Variants in AQP1 observed in about 807,000 individuals in gnomAD.
AQP1 encodes the protein aquaporin 1 (Colton blood group).
A neutral mutation model predicts 19.7 loss-of-function variants in AQP1; 11 were observed. The observed-to-expected ratio is 0.56, with a 90% confidence interval of 0.35 to 0.92. AQP1 has a LOEUF of 0.92. AQP1 is among the 40% of genes least tolerant of loss of function. The pLI is 0.01. For synonymous variants in AQP1, 159 were observed against 166.7 expected (o/e 0.95, Z 0.36); for missense variants, 320 against 369.7 (o/e 0.87, Z 1.10).
chr7:30,914,326 T>C (rs1791256276), intron 1 of AQP1, among the ~76,000 whole-genome samples: 1 of 152,212 alleles, frequency 6.6e-6, no homozygotes, highest in Admixed American at 6.5e-5. Flanking sequence ...CTGCGGACCC[T>C]GACCCTCGAG....
At chr7:30,921,934 A>T (rs1162181403) in intron 1 of AQP1, 132 bp from the exon 2 acceptor site, 6 of 1,554,502 alleles carry the variant, frequency 3.9e-6, no homozygotes, top group Middle Eastern at 1.7e-4. Context: ...GGACCCTGTG[A>T]TGGGCTCTGA....
In AQP1 at chr7:30,923,006, C is replaced by A. The variant is rs557323073; in HGVS notation, c.630+362C>A. Among the ~76,000 whole-genome samples the A allele has an allele frequency of 2.0e-3, 309 of 152,338 alleles. 4 individuals are homozygous for A. The highest frequency in any genetic ancestry group is 7.0e-3 in the African/African-American group (290 of 41,564). On this transcript the variant is annotated intron_variant, in intron 3 of 3. Transcript: ENST00000311813. The surrounding 1 kb of genome is among the most constrained non-coding windows in gnomAD (Gnocchi z 4.8). Reference sequence around the variant, plus strand: ...GCTGCGGAGGGGGATATGGTGGTGCCCACCTCTCAGGGTGGCCGAGAAGAG... The same window carrying A: ...GCTGCGGAGGGGGATATGGTGGTGCACACCTCTCAGGGTGGCCGAGAAGAG...
Position 30,922,157 on chromosome 7 carries a change from G to A in AQP1, c.476G>A (p.Arg159Gln), listed in dbSNP as rs567793834. ...CTATGCGTGCTGGCTACTACCGACC[G>A]GAGGCGCCGTGACCTTGGTGGCTCA... is the stretch of plus-strand genomic sequence containing the variant. ...LVLCVLATTD[R>Q]RRRDLGGSAP... Residue 159 changes from arginine to glutamine, a missense_variant, in exon 2 of 4, where the codon CGG becomes CAG. Physicochemically the swap from Arg to Gln is conservative, Grantham distance 43 (BLOSUM62 1). Transcript: ENST00000311813. 52 of 1,613,650 alleles carry A rather than the reference G, an allele frequency of 3.2e-5. No individual in the cohort carries two copies. Among genetic ancestry groups the A allele is most frequent in the Middle Eastern group, 1.6e-4 (1 of 6,062 alleles).
rs1173310840 is a variant in AQP1, at chr7:30,911,899, C to T, written c.-11C>T. On this transcript the variant is annotated 5_prime_UTR_variant, in exon 1 of 4. Transcript: ENST00000311813. ...ACCCGGCAGCGGTCTCAGGCCAAGC[C>T]CCCTGCCAGCATGGCCAGCGAGTTC... 2 of 1,612,952 alleles carry T rather than the reference C, an allele frequency of 1.2e-6. No individual in the cohort carries two copies. Among genetic ancestry groups the T allele is most frequent in the Middle Eastern group, 1.7e-4 (1 of 5,954 alleles).
At position 30,912,588 on chromosome 7, in the gene AQP1, C is replaced by T. The variant is rs548433194; in HGVS notation, c.384+295C>T. Among the ~76,000 whole-genome samples the T allele has an allele frequency of 2.6e-5, 4 of 152,228 alleles. No individual in the cohort carries two copies. The highest frequency in any genetic ancestry group is 2.4e-5 in the African/African-American group (1 of 41,456). ...GGAATAAGCTTGGCCAGCAGTTCCT[C>T]GCCCCTTGGCTGTAGCTTTTTGGCC... is the stretch of plus-strand genomic sequence containing the variant. On this transcript the variant is annotated intron_variant, in intron 1 of 3. Coordinates refer to ENST00000311813, the MANE Select transcript of AQP1 (RefSeq NM_198098.4). This position sits in a 1 kb window ranked among gnomAD's most constrained non-coding sequence, Gnocchi z 4.3.
intron 3 of AQP1, 123 bp downstream of exon 3, chr7:30,922,767 G>A (rs908166013): frequency 9.9e-7 from 1 of 1,008,988 alleles, no homozygotes; most frequent in African/African-American, 1.6e-5. Flanking sequence ...CAGGAAATCA[G>A]GAAACTGAGG....
intron 1 of AQP1, among the ~76,000 whole-genome samples, chr7:30,920,439 C>T (rs1169282105): frequency 6.6e-6 from 1 of 152,208 alleles, no homozygotes; most frequent in East Asian, 1.9e-4. Context: ...CCAGCAGCTC[C>T]ACCCGCCGTC....
Position 30,911,945 on chromosome 7 carries a change from G to T in AQP1, c.36G>T (p.Arg12Ser). ...ASEFKKKLFW[R>S]AVVAEFLATT... ...AGTTCAAGAAGAAGCTCTTCTGGAG[G>T]GCAGTGGTGGCCGAGTTCCTGGCCA... The change falls in exon 1 of 4, where the codon AGG becomes AGT. Residue 12 changes from arginine to serine, a missense_variant. Transcript: ENST00000311813. 6.2e-7 allele frequency: 1 copy of T among 1,613,452 alleles called. No homozygotes were observed.
intron 1 of AQP1, among the ~76,000 whole-genome samples, chr7:30,915,514 C>T (rs1385507095): frequency 2.0e-5 from 3 of 151,984 alleles, no homozygotes; most frequent in East Asian, 1.9e-4. Context: ...GGCCGTGGTA[C>T]GGGAGTTGTT....
intron 1 of AQP1, among the ~76,000 whole-genome samples, chr7:30,914,729 C>G (rs1584381001): frequency 6.6e-6 from 1 of 150,846 alleles, no homozygotes; most frequent in African/African-American, 2.4e-5. Context: ...GAGCCCCAGC[C>G]CAGTCAAAAC....
In AQP1 at chr7:30,924,030, C is replaced by T. The variant is rs28362741; in HGVS notation, c.*401C>T. 8,100 of 1,310,522 alleles carry T rather than the reference C, an allele frequency of 6.2e-3. 35 individuals are homozygous for T. The highest frequency in any genetic ancestry group is 7.4e-3 in the Non-Finnish European group (7,384 of 999,976). 81.2% of individuals were successfully genotyped at this position (1,310,522 alleles called of 1,614,324 possible). On this transcript the variant is annotated 3_prime_UTR_variant, in exon 4 of 4. Coordinates refer to ENST00000311813, the MANE Select transcript of AQP1 (RefSeq NM_198098.4). ...CGTAATTGCTTTGTGCCTTTGGGCA[C>T]GGCCCTCCTTCTTTTCCTAACATGC...
intron 1 of AQP1, among the ~76,000 whole-genome samples, chr7:30,918,589 C>T (rs1029175776): frequency 1.3e-5 from 2 of 152,216 alleles, no homozygotes; most frequent in East Asian, 1.9e-4. Context: ...CCCTTGAGAA[C>T]GAAAGCTCAG....
In AQP1 at chr7:30,923,378, T is replaced by G; in HGVS notation, c.631-72T>G. ...ACCTGTCCAACGGGGTGGTGGGCTG[T>G]GGGGTAACCTAGGGAACGCTTCCCA... is the stretch of plus-strand genomic sequence containing the variant. On this transcript the variant is annotated intron_variant, in intron 3 of 3. Transcript: ENST00000311813. This position sits in a 1 kb window ranked among gnomAD's most constrained non-coding sequence, Gnocchi z 4.8. The G allele has an allele frequency of 1.2e-6, 2 of 1,607,862 alleles. No homozygotes were observed. The highest frequency in any genetic ancestry group is 1.7e-6 in the Non-Finnish European group (2 of 1,177,334).
chr7:30,916,535 G>A (rs2128589216), intron 1 of AQP1, among the ~76,000 whole-genome samples: 1 of 152,360 alleles, frequency 6.6e-6, no homozygotes. Context: ...GCTTCCCCAT[G>A]GGGATGAGAG....
Position 30,923,757 on chromosome 7 carries a change from A to T in AQP1, c.*128A>T. The T allele has an allele frequency of 6.6e-7, 1 of 1,505,070 alleles. No homozygotes were observed. The allele number at this position is 1,505,070 out of a possible 1,614,324, so 93.2% of individuals were successfully genotyped here. ...AAGTCACTTCCCCAAGATCTGCCAG[A>T]CCTGCATGGTCAAGCCTCTTATGGG... On this transcript the variant is annotated 3_prime_UTR_variant, in exon 4 of 4. Coordinates refer to ENST00000311813, the MANE Select transcript of AQP1 (RefSeq NM_198098.4). The surrounding 1 kb of genome is among the most constrained non-coding windows in gnomAD (Gnocchi z 4.8).
chr7:30,917,470 A>G (rs967193552), intron 1 of AQP1, among the ~76,000 whole-genome samples: 1 of 152,184 alleles, frequency 6.6e-6, no homozygotes, highest in Admixed American at 6.5e-5. Flanking sequence ...GGCCTTGTTG[A>G]GACCTGCTGC....
rs117434085 is a variant in AQP1 at position 30,922,086 on chromosome 7, G to A, written c.405G>A (p.Ser135=). Residue 135 remains serine, a synonymous_variant, in exon 2 of 4, where the codon TCG becomes TCA. Transcript: ENST00000311813. ...TGCAGCTGGCTGATGGTGTGAACTC[G>A]GGCCAGGGCCTGGGCATCGAGATCA... ...GRNDLADGVN[S]GQGLGIEIIG... 2.7e-4 allele frequency: 439 copies of A among 1,614,028 alleles called. No homozygotes were observed. In the African/African-American group the frequency reaches 4.5e-3, roughly 16 times the overall value.
chr7:30,921,944 AAG>A, intron 1 of AQP1, 120 bp from the exon 2 acceptor site: 1 of 1,563,154 alleles, frequency 6.4e-7, no homozygotes, highest in Non-Finnish European at 8.7e-7. Flanking sequence ...ATGGGCTCTG[AAG>A]GCCCATCTGA....
At chr7:30,916,376 C>T (rs1345904261) in intron 1 of AQP1, among the ~76,000 whole-genome samples, 2 of 152,382 alleles carry the variant, frequency 1.3e-5, no homozygotes, top group African/African-American at 4.8e-5. Flanking sequence ...GGCCCCCACC[C>T]AGCAGGGGCC....
Sources: allele counts gnomAD v4.1 joint callset (sites outside exome capture counted in the v4.1 genomes callset), GRCh38; gene constraint gnomAD v4.1.1; non-coding constraint Gnocchi (gnomAD v3.1); transcripts MANE v1.5; gene names NCBI Gene and HGNC (gene_info 2026-07-23, HGNC 2026-07-21).